Variants in ASAH1 observed in about 807,000 individuals in gnomAD.
ASAH1 encodes the protein acid ceramidase.
In ASAH1, 70 loss-of-function variants were observed where a neutral mutation model predicts 59.5. That is an observed-to-expected ratio of 1.18 (90% CI 0.97 to 1.43). The LOEUF (loss-of-function observed/expected upper bound fraction) is 1.43, where lower values mean the gene tolerates loss of function less well. Ranked by LOEUF, ASAH1 falls within the 40% of genes most tolerant of loss-of-function variation. ASAH1 has a pLI of 0.00. For synonymous variants in ASAH1, 213 were observed against 166.5 expected, an observed-to-expected ratio of 1.28 and a Z score of -2.15; for missense variants, 660 against 482.5, an observed-to-expected ratio of 1.37 and a Z score of -3.45.
Position 18,062,322 on chromosome 8 carries a change from G to A in ASAH1, c.605C>T (p.Ser202Leu), listed in dbSNP as rs1799739349. Residue 202 changes from serine to leucine, a missense_variant, in exon 8 of 14, where the codon TCA (serine) becomes TTA (leucine). Transcript: ENST00000637790. ...QRNNKTVFKA[S>L]SFAGYVGMLT... ...CATGCCCACATAGCCAGCAAAGCTT[G>A]AAGCCTTGAAGACAGTTTTGTTGTT... 6.2e-7 allele frequency: 1 copy of A among 1,614,094 alleles called. No homozygotes were observed. Among genetic ancestry groups the A allele is most frequent in the Non-Finnish European group, 8.5e-7 (1 of 1,180,036 alleles).
Position 18,059,755 on chromosome 8 carries a change from A to T in ASAH1, c.786-52T>A. On this transcript the variant is annotated intron_variant, in intron 10 of 13. Transcript: ENST00000637790. ...ATGAAACTTTTTTTTAATTTTAGTA[A>T]ATAACTTCATTTATTTTTAAATTTT... The T allele has an allele frequency of 2.7e-6, 4 of 1,489,896 alleles. No homozygotes were observed. In the African/African-American group the frequency reaches 4.2e-5, roughly 16 times the overall value. 92.3% of individuals were successfully genotyped at this position (1,489,896 alleles called of 1,614,324 possible). A position where few individuals can be genotyped will look rare whatever the true frequency, so the allele number is the denominator to read the frequency against.
intron 2 of ASAH1, 180 bp downstream of exon 2, chr8:18,075,361 T>C: frequency 1.4e-6 from 1 of 733,572 alleles, no homozygotes. Context: ...GATATTTTCA[T>C]ATTTGTCCAA....
In ASAH1 at chr8:18,067,226, G is replaced by A. The variant is rs199785411; in HGVS notation, c.376C>T (p.Pro126Ser). The change falls in exon 5 of 14, where the codon CCT becomes TCT. Residue 126 changes from proline to serine, a missense_variant. By Grantham distance (74) the Pro-to-Ser change is moderately conservative. Coordinates refer to ENST00000637790, the MANE Select transcript of ASAH1 (RefSeq NM_177924.5). ...MKGIAAVTDI[P>S]LGEIISFNIF... ...GCTTCTAAGTGAACTTTACCTAAAG[G>A]TATATCAGTAACAGCGGCAATACCC... 6.3e-7 allele frequency: 1 copy of A among 1,591,394 alleles called. No individual in the cohort carries two copies. Among genetic ancestry groups the A allele is most frequent in the South Asian group, 1.1e-5 (1 of 89,780 alleles).
At chr8:18,061,655 T>G (rs1411375465) in intron 9 of ASAH1, 31 bp downstream of exon 9, 9 of 1,576,592 alleles carry the variant, frequency 5.7e-6, no homozygotes, top group Non-Finnish European at 2.6e-6. Flanking sequence ...AGCTCTGAGA[T>G]TCCCATTTCA....
chr8:18,057,612 G>A lies in ASAH1; in HGVS notation c.1110C>T (p.Tyr370=), dbSNP rs370106165. 88 of 1,601,724 alleles carry A rather than the reference G, an allele frequency of 5.5e-5. No homozygotes were observed. The highest frequency in any genetic ancestry group is 1.7e-4 in the African/African-American group (13 of 74,746). ...CTTTGGTAACATCTATCAAGGTTGT[G>A]TATACGGTCAGCTGAAAGAAAAGTT... ...TKPVLNKLTV[Y]TTLIDVTKGQ... The change falls in exon 14 of 14, where the codon TAC becomes TAT. Residue 370 remains tyrosine (Y), a synonymous_variant. Transcript: ENST00000637790.
At position 18,075,334 on chromosome 8, in the gene ASAH1, G is replaced by A. The variant is rs938320219; in HGVS notation, c.125+207C>T. On this transcript the variant is annotated intron_variant, in intron 2 of 13. Coordinates refer to ENST00000637790, the MANE Select transcript of ASAH1 (RefSeq NM_177924.5). ...CCGATGATTTTGATAGTCTAGCGACGGGCATTTGAATCGGAAGATATTTTC... is the reference window on the plus strand; with the variant it reads ...CCGATGATTTTGATAGTCTAGCGACAGGCATTTGAATCGGAAGATATTTTC... Among the ~76,000 whole-genome samples, 5 of 152,110 alleles carry A rather than the reference G, an allele frequency of 3.3e-5. 1 individual carries two copies. The highest frequency in any genetic ancestry group is 1.3e-4 in the Admixed American group (2 of 15,268).
chr8:18,066,020 A>G (rs1799914977), intron 5 of ASAH1: 1 of 152,104 alleles, frequency 6.6e-6, no homozygotes, highest in African/African-American at 2.4e-5. Context: ...ACCACATGAG[A>G]AAAACCTGAA....
intron 3 of ASAH1, 63 bp from the exon 4 acceptor site, chr8:18,069,941 G>T: frequency 1.6e-6 from 2 of 1,219,346 alleles, no homozygotes; most frequent in Non-Finnish European, 2.4e-6. Context: ...TTACCTTTTG[G>T]CTTACCCATA....
At chr8:18,065,133 T>C (rs1799877129) in intron 5 of ASAH1, 1 of 152,016 alleles carries the variant, frequency 6.6e-6, no homozygotes, top group Admixed American at 6.5e-5. Context: ...CCAAATCCAA[T>C]GTGTATTTTA....
intron 4 of ASAH1, chr8:18,068,697 A>G (rs1800034600): frequency 6.6e-6 from 1 of 152,458 alleles, no homozygotes; most frequent in Non-Finnish European, 1.5e-5. Flanking sequence ...ACAGCCCCAC[A>G]AAAAAGAGAC....
In ASAH1 at chr8:18,074,272, G is replaced by A. The variant is rs1351983691; in HGVS notation, c.125+1269C>T. 6.6e-5 allele frequency among the ~76,000 whole-genome samples: 10 copies of A among 151,642 alleles called. No individual in the cohort carries two copies. The East Asian group carries it at 1.9e-3, about 29-fold the overall frequency. ...AGAAAGGAAGACTTTCAGACAGCAG[G>A]CCATTGAAGAAAGAGCTGGAATGAA... On this transcript the variant is annotated intron_variant, in intron 2 of 13. Transcript: ENST00000637790.
upstream of ASAH1, chr8:18,084,414 G>T (rs766987074): frequency 5.0e-6 from 7 of 1,386,462 alleles, no homozygotes; most frequent in Admixed American, 3.0e-5. Flanking sequence ...CACCCGTGGC[G>T]CCTCGATGGG....
At chr8:18,073,110 C>G (rs921299241) in intron 2 of ASAH1, 18 of 770,416 alleles carry the variant, frequency 2.3e-5, no homozygotes, top group Non-Finnish European at 3.3e-5. Flanking sequence ...TTTGAGAGAA[C>G]TGGTTAATCT....
chr8:18,084,375 C>A (rs575885601), upstream of ASAH1: 126 of 1,404,046 alleles, frequency 9.0e-5, no homozygotes, highest in Non-Finnish European at 1.1e-4. Flanking sequence ...CGAGCCGGAG[C>A]CCCGCCCCGT....
At chr8:18,076,082 G>C (rs1227802132) in intron 1 of ASAH1, 1 of 191,770 alleles carries the variant, frequency 5.2e-6, no homozygotes, top group Non-Finnish European at 1.1e-5. Context: ...ACTCCCCTTA[G>C]TATTTATAGC....
chr8:18,059,684 A>C lies in ASAH1; in HGVS notation c.805T>G (p.Leu269Val). 4 of 1,614,140 alleles carry C rather than the reference A, an allele frequency of 2.5e-6. No homozygotes were observed. Among genetic ancestry groups the C allele is most frequent in the Non-Finnish European group, 3.4e-6 (4 of 1,179,996 alleles). The change falls in exon 11 of 14, where the codon TTA becomes GTA. Residue 269 changes from leucine (L) to valine (V), a missense_variant. Coordinates refer to ENST00000637790, the MANE Select transcript of ASAH1 (RefSeq NM_177924.5). ...NSTSYEEAKN[L>V]LTKTKILAPA... ...GCCAATATCTTGGTCTTGGTCAATA[A>C]ATTCTTGGCTTCTTCATAACTATAT...
intron 6 of ASAH1, chr8:18,064,061 T>C (rs902586314): frequency 1.3e-5 from 4 of 311,302 alleles, no homozygotes; most frequent in Non-Finnish European, 2.4e-5. Context: ...GTTGCCTGGC[T>C]GGGAAAGGAT....
upstream of ASAH1, chr8:18,084,704 C>T (rs1218707432): frequency 1.9e-6 from 3 of 1,613,734 alleles, no homozygotes; most frequent in South Asian, 2.2e-5. Context: ...GCTGCCAAAT[C>T]CCAGAATTGA....
intron 1 of ASAH1, among the ~76,000 whole-genome samples, chr8:18,081,391 CT>C (rs1157134518): frequency 3.3e-5 from 5 of 152,184 alleles, no homozygotes; most frequent in Admixed American, 1.3e-4. Flanking sequence ...CCAGACTCAT[CT>C]TTTTAAAGTG....
Sources: allele counts gnomAD v4.1 joint callset (sites outside exome capture counted in the v4.1 genomes callset), GRCh38; gene constraint gnomAD v4.1.1; transcripts MANE v1.5; gene names NCBI Gene and HGNC (gene_info 2026-07-23, HGNC 2026-07-21).